The following MACROD2 variants were observed in gnomAD, a reference collection of about 807,000 sequenced individuals.
MACROD2 encodes the protein ADP-ribose glycohydrolase MACROD2.
Under a neutral mutation model 70.4 loss-of-function variants are expected in MACROD2, and 36 were observed. That is an observed-to-expected ratio of 0.51 (90% confidence interval 0.39 to 0.68). MACROD2 has a LOEUF of 0.68. Ranked by LOEUF, MACROD2 falls within the 30% of genes least tolerant of loss-of-function variation. MACROD2 has a pLI of 0.00. For synonymous variants in MACROD2, 172 were observed against 178.8 expected (o/e 0.96, Z 0.30); for missense variants, 496 against 538.4 (o/e 0.92, Z 0.78).
chr20:14,752,881 G>A (rs1362633364), intron 5 of MACROD2, among the ~76,000 whole-genome samples: 1 of 152,108 alleles, frequency 6.6e-6, no homozygotes, highest in African/African-American at 2.4e-5. Context: ...CATTGTAAGA[G>A]TGTATGATTG....
chr20:14,955,394 T>C (rs1329215305), intron 5 of MACROD2, among the ~76,000 whole-genome samples: 2 of 149,982 alleles, frequency 1.3e-5, no homozygotes, highest in Non-Finnish European at 3.0e-5. Flanking sequence ...CCATCAGTTT[T>C]GCCCTTCTCT....
At chr20:14,734,793 T>C (rs1449008836) in intron 5 of MACROD2, among the ~76,000 whole-genome samples, 2 of 152,120 alleles carry the variant, frequency 1.3e-5, no homozygotes. Context: ...TATAGGCATA[T>C]AGACCAATGA....
At chr20:14,610,540 T>C (rs1983092159) in intron 4 of MACROD2, among the ~76,000 whole-genome samples, 1 of 152,146 alleles carries the variant, frequency 6.6e-6, no homozygotes, top group Admixed American at 6.6e-5. Context: ...TAAATAGTTA[T>C]TCTTTGAATG....
intron 8 of MACROD2, among the ~76,000 whole-genome samples, chr20:15,569,527 C>T (rs947444936): frequency 6.6e-6 from 1 of 152,138 alleles, no homozygotes; most frequent in Non-Finnish European, 1.5e-5. Context: ...ATTCTTTGAT[C>T]ACCCCTCTAG....
Position 14,795,985 on chromosome 20 carries a change from C to G in MACROD2, c.418+111026C>G, listed in dbSNP as rs114700168. On this transcript the variant is annotated intron_variant, in intron 5 of 17. Transcript: ENST00000684519. ...AGACAGAAGTGTCCATTAGATTTGG[C>G]CACATGGAGATTTCCATTGACCTTG... Among the ~76,000 whole-genome samples the G allele has an allele frequency of 5.7e-3, 863 of 152,128 alleles. 19 individuals carry two copies. The highest frequency in any genetic ancestry group is 0.019 in the African/African-American group (796 of 41,480).
chr20:15,068,060 C>T (rs1411794452), intron 5 of MACROD2, among the ~76,000 whole-genome samples: 1 of 152,160 alleles, frequency 6.6e-6, no homozygotes, highest in African/African-American at 2.4e-5. Context: ...TTTTAAATAA[C>T]AAAAGTTAAA....
At chr20:15,824,429 A>G (rs533282858) in intron 8 of MACROD2, among the ~76,000 whole-genome samples, 170 of 152,274 alleles carry the variant, frequency 1.1e-3, no homozygotes, top group Middle Eastern at 3.4e-3. Context: ...CTGTAGGGCA[A>G]TTTGTTACTT....
intron 8 of MACROD2, among the ~76,000 whole-genome samples, chr20:15,849,813 G>A (rs953468157): frequency 1.3e-5 from 2 of 152,154 alleles, no homozygotes; most frequent in African/African-American, 2.4e-5. Flanking sequence ...GCTGGATTGC[G>A]GGGTGACATG....
At chr20:15,679,402 A>G (rs1418381120) in intron 8 of MACROD2, among the ~76,000 whole-genome samples, 1 of 151,992 alleles carries the variant, frequency 6.6e-6, no homozygotes, top group Non-Finnish European at 1.5e-5. Flanking sequence ...ACACTCAAGG[A>G]CCCCAACTCC....
intron 4 of MACROD2, among the ~76,000 whole-genome samples, chr20:14,550,063 C>T (rs897514139): frequency 3.3e-5 from 5 of 151,890 alleles, no homozygotes; most frequent in Admixed American, 1.3e-4. Flanking sequence ...GCTGGGATTA[C>T]AGGCGGGTGC....
At chr20:14,213,772 G>A (rs911621949) in intron 3 of MACROD2, among the ~76,000 whole-genome samples, 6 of 152,036 alleles carry the variant, frequency 3.9e-5, no homozygotes, top group African/African-American at 1.4e-4. Context: ...AATTGAATCT[G>A]TGAATATGAT....
chr20:14,262,435 T>C (rs184725280), intron 3 of MACROD2, among the ~76,000 whole-genome samples: 144 of 152,348 alleles, frequency 9.5e-4, no homozygotes, highest in Middle Eastern at 3.4e-3. Flanking sequence ...ATTACTGTTC[T>C]TTTGGAAATA....
At chr20:14,152,763 A>G (rs759515881) in intron 3 of MACROD2, among the ~76,000 whole-genome samples, 1 of 152,092 alleles carries the variant, frequency 6.6e-6, no homozygotes, top group African/African-American at 2.4e-5. Context: ...TTTATTCTCA[A>G]TTAGTCCAGG....
At chr20:15,614,146 A>G (rs1484934539) in intron 8 of MACROD2, among the ~76,000 whole-genome samples, 1 of 152,236 alleles carries the variant, frequency 6.6e-6, no homozygotes, top group East Asian at 1.9e-4. Context: ...TACCTTAATT[A>G]CTTCCATATT....
At chr20:14,558,384 T>C (rs1051050053) in intron 4 of MACROD2, among the ~76,000 whole-genome samples, 1 of 151,650 alleles carries the variant, frequency 6.6e-6, no homozygotes, top group Admixed American at 6.6e-5. Context: ...AATAAACTAA[T>C]TAAAAGACAG....
intron 5 of MACROD2, among the ~76,000 whole-genome samples, chr20:15,184,006 T>G (rs557349799): frequency 1.3e-5 from 2 of 152,240 alleles, no homozygotes; most frequent in African/African-American, 4.8e-5. Flanking sequence ...CTGCATAAAG[T>G]TAAAGAACCC....
intron 3 of MACROD2, among the ~76,000 whole-genome samples, chr20:14,484,572 C>T (rs914729993): frequency 2.0e-5 from 3 of 152,174 alleles, no homozygotes; most frequent in African/African-American, 2.4e-5. Flanking sequence ...ACTATCCCCA[C>T]TTCCTCTCCA....
chr20:15,623,095 A>C (rs568564035), intron 8 of MACROD2, among the ~76,000 whole-genome samples: 1 of 152,360 alleles, frequency 6.6e-6, no homozygotes, highest in African/African-American at 2.4e-5. Context: ...GAGTAAACCA[A>C]GGACCAACAA....
Position 14,535,230 on chromosome 20 carries a change from G to A in MACROD2, c.301+41722G>A, listed in dbSNP as rs181671032. Among the ~76,000 whole-genome samples, 695 of 152,248 alleles carry A rather than the reference G, an allele frequency of 4.6e-3. 4 individuals carry two copies. The highest frequency in any genetic ancestry group is 0.016 in the African/African-American group (671 of 41,548). ...TTTATAGGAGTTATCTTGGCTGGGC[G>A]CAGTGGCTCACGCCTGTAATCCCAG... On this transcript the variant is annotated intron_variant, in intron 4 of 17. Coordinates refer to ENST00000684519, the MANE Select transcript of MACROD2 (RefSeq NM_001351661.2).
Sources: gnomAD v4.1 joint callset for allele counts (sites outside exome capture counted in the v4.1 genomes callset) on GRCh38, gnomAD v4.1.1 for gene constraint, MANE v1.5 for transcripts, NCBI Gene and HGNC (gene_info 2026-07-23, HGNC 2026-07-21) for gene names.